SVIL: variants seen among roughly 807,000 people sequenced by gnomAD.
SVIL encodes supervillin.
In SVIL, 101 loss-of-function variants were observed where a neutral mutation model predicts 240.4. That is an observed-to-expected ratio of 0.42 (90% CI 0.36 to 0.50). SVIL has a LOEUF of 0.50. Among genes scored for constraint, SVIL ranks in the 20% least tolerant of loss-of-function variants. SVIL has a pLI of 0.01. For missense variants in SVIL, 2,512 were observed against 2,818.7 expected, an observed-to-expected ratio of 0.89 and a Z score of 2.46; for synonymous variants, 999 against 1,100.0, an observed-to-expected ratio of 0.91 and a Z score of 1.82.
intron 3 of SVIL, among the ~76,000 whole-genome samples, chr10:29,562,459 A>C (rs561748592): frequency 1.3e-5 from 2 of 152,318 alleles, no homozygotes; most frequent in East Asian, 3.9e-4. Context: ...AAGCTACAAG[A>C]TGTTAAATGT....
intron 1 of SVIL, among the ~76,000 whole-genome samples, chr10:29,694,050 C>G (rs542245738): frequency 9.2e-5 from 14 of 151,962 alleles, no homozygotes; most frequent in Admixed American, 4.6e-4. Context: ...CTCTCCCATC[C>G]CATAGACAGC....
rs1007545845 is a variant in SVIL, at chr10:29,504,145, T to TA, written c.3517-4883dup. 1.7e-4 allele frequency among the ~76,000 whole-genome samples: 25 copies of TA among 151,166 alleles called. No individual in the cohort carries two copies. The East Asian group carries it at 2.1e-3, about 13-fold the overall frequency. Reference sequence around the variant, plus strand: ...GCTGGAATAAGTGGACACTCATATGTAAAAAAAAACTAGATACAAATTTTC... The same window carrying TA: ...GCTGGAATAAGTGGACACTCATATGTAAAAAAAAAACTAGATACAAATTTTC... On this transcript the variant is annotated intron_variant, in intron 17 of 37. Coordinates refer to ENST00000355867, the MANE Select transcript of SVIL (RefSeq NM_021738.3).
At position 29,523,541 on chromosome 10, in the gene SVIL, C is replaced by G; in HGVS notation, c.3073G>C (p.Ala1025Pro). 1 of 1,614,198 alleles carries G rather than the reference C, an allele frequency of 6.2e-7. No individual in the cohort carries two copies. The highest frequency in any genetic ancestry group is 1.3e-5 in the African/African-American group (1 of 75,054). The change falls in exon 15 of 38, where the codon GCA becomes CCA. Residue 1025 changes from alanine (A) to proline (P), a missense_variant. Coordinates refer to ENST00000355867, the MANE Select transcript of SVIL (RefSeq NM_021738.3). The stretch of plus-strand genomic sequence containing the variant: ...TCCCTCAAGTCCAAGTTTCCTTGTG[C>G]ATTCATTTTAGCCATGGAAAATTCC... ...PKEFSMAKMN[A>P]QGNLDLRDRL...
At chr10:29,708,500 A>G (rs1447596287) in intron 1 of SVIL, among the ~76,000 whole-genome samples, 4 of 151,984 alleles carry the variant, frequency 2.6e-5, no homozygotes, top group Non-Finnish European at 5.9e-5. Context: ...GGGCGCCTGT[A>G]ATCCCAGCTA....
chr10:29,594,719 G>C (rs976341256), intron 1 of SVIL, among the ~76,000 whole-genome samples: 1 of 152,084 alleles, frequency 6.6e-6, no homozygotes, highest in Non-Finnish European at 1.5e-5. Flanking sequence ...ACCACACCCA[G>C]ATAATTTTTG....
intron 6 of SVIL, among the ~76,000 whole-genome samples, chr10:29,547,087 C>A (rs4749448): frequency 0.42 from 63,506 of 151,774 alleles, 13,350 homozygotes; most frequent in East Asian, 0.44. Flanking sequence ...TTTGGGTTAC[C>A]ACATATTTTT....
Position 29,726,811 on chromosome 10 carries a change from C to T in SVIL, c.-400+8940G>A, listed in dbSNP as rs114013368. ...AGCCCTCAAAGCCCTCAGCACAGGG[C>T]CTGGCAAACAGTGGACAGTCAACAG... On this transcript the variant is annotated intron_variant, in intron 1 of 35. Coordinates refer to the SVIL transcript ENST00000375400. 3.7e-3 allele frequency among the ~76,000 whole-genome samples: 560 copies of T among 152,248 alleles called. 8 individuals carry two copies. The highest frequency in any genetic ancestry group is 0.013 in the African/African-American group (521 of 41,560).
rs537345433 is a variant in SVIL, at chr10:29,513,450, C to T, written c.3390-589G>A. On this transcript the variant is annotated intron_variant, in intron 16 of 37. Coordinates refer to ENST00000355867, the MANE Select transcript of SVIL (RefSeq NM_021738.3). ...CAGCGGGAGGCTGAGGCACAAGAAT[C>T]GCTTGAACCTGGGAGGCAGAGGTTG... 3.9e-5 allele frequency among the ~76,000 whole-genome samples: 6 copies of T among 152,192 alleles called. No homozygotes were observed. In the South Asian group the frequency reaches 6.2e-4, roughly 16 times the overall value.
At position 29,652,787 on chromosome 10, in the gene SVIL, C is replaced by G. The variant is rs561485021; in HGVS notation, c.-201+5182G>C. Among the ~76,000 whole-genome samples, 4 of 152,224 alleles carry G rather than the reference C, an allele frequency of 2.6e-5. No homozygotes were observed. In the South Asian group the frequency reaches 8.3e-4, roughly 32 times the overall value. On this transcript the variant is annotated intron_variant, in intron 3 of 35. Transcript: ENST00000375400. ...GTTATAATTTGCATTTCCCTAATGG[C>G]TAATGATAGTAAAAACCTTCTCATG...
At position 29,551,279 on chromosome 10, in the gene SVIL, A is replaced by G. The variant is rs774511428; in HGVS notation, c.161-16T>C. 70 of 1,568,758 alleles carry G rather than the reference A, an allele frequency of 4.5e-5. No individual in the cohort carries two copies. Among genetic ancestry groups the G allele is most frequent in the Non-Finnish European group, 5.6e-5 (65 of 1,161,486 alleles). On this transcript the variant is annotated splice_polypyrimidine_tract_variant and intron_variant, in intron 5 of 37. Coordinates refer to ENST00000355867, the MANE Select transcript of SVIL (RefSeq NM_021738.3). ...TTTGATCGGCCTACAAGAAGGTCAC[A>G]TGGATGAGAGGTGCAGATTTCAAGT...
At chr10:29,520,538 C>T (rs1456479698) in intron 16 of SVIL, among the ~76,000 whole-genome samples, 1 of 152,126 alleles carries the variant, frequency 6.6e-6, no homozygotes, top group Non-Finnish European at 1.5e-5. Context: ...TCAGATTTAA[C>T]AATGTGATTA....
At chr10:29,729,112 C>T (rs1009730461) in intron 1 of SVIL, among the ~76,000 whole-genome samples, 1 of 152,028 alleles carries the variant, frequency 6.6e-6, no homozygotes, top group Admixed American at 6.5e-5. Flanking sequence ...CAAAGGAGGT[C>T]CCCCTCCCCA....
chr10:29,458,440 G>T lies in SVIL; in HGVS notation c.6552C>A (p.Asp2184Glu). 6.3e-7 allele frequency: 1 copy of T among 1,584,134 alleles called. No individual in the cohort carries two copies. The highest frequency in any genetic ancestry group is 8.6e-7 in the Non-Finnish European group (1 of 1,163,332). ...LKLEIYLTDE[D>E]FEFALDMTRD... The stretch of plus-strand genomic sequence containing the variant: ...CACCGGAAGAACCGCTTACCTCGAA[G>T]TCTTCGTCGGTGAGATAGATCTCAA... The change falls in exon 37 of 38, where the codon GAC (aspartate) becomes GAA (glutamate). Residue 2184 changes from aspartate (D) to glutamate (E), a missense_variant. By Grantham distance (45) the Asp-to-Glu change is conservative. Transcript: ENST00000355867.
intron 1 of SVIL, among the ~76,000 whole-genome samples, chr10:29,624,474 G>T (rs1054449374): frequency 3.3e-5 from 5 of 152,178 alleles, no homozygotes; most frequent in African/African-American, 9.7e-5. Context: ...GGAGGCAGAG[G>T]TTGCAGTGAG....
At chr10:29,582,338 C>T (rs531570695) in intron 1 of SVIL, among the ~76,000 whole-genome samples, 42 of 152,306 alleles carry the variant, frequency 2.8e-4, no homozygotes, top group Non-Finnish European at 3.7e-4. Flanking sequence ...GGCACATGGC[C>T]GGCCCACCAC....
chr10:29,480,840 T>C, intron 28 of SVIL, 27 bp from the exon 29 acceptor site: 1 of 1,585,574 alleles, frequency 6.3e-7, no homozygotes, highest in Non-Finnish European at 8.6e-7. Context: ...AGACATCAGT[T>C]CAGTTGCCTG....
chr10:29,605,484 CAT>C (rs1361143992), intron 1 of SVIL, among the ~76,000 whole-genome samples: 2 of 152,110 alleles, frequency 1.3e-5, no homozygotes, highest in South Asian at 2.1e-4. Flanking sequence ...AGCATCTTTC[CAT>C]ATGTTTTAGA....
chr10:29,535,262 T>A (rs961248194), intron 7 of SVIL, among the ~76,000 whole-genome samples: 2 of 67,026 alleles, frequency 3.0e-5, no homozygotes, highest in South Asian at 3.6e-4. Context: ...GATGAGCCAG[T>A]GTTGGAGGTT....
chr10:29,463,473 A>G lies in SVIL; in HGVS notation c.6277+19T>C. ...TCCCCATCTGTTCCGTGCTGCAGGC[A>G]TGTTAGAGGGAGCCTCACCTTTGCA... On this transcript the variant is annotated intron_variant, in intron 35 of 37. Coordinates refer to ENST00000355867, the MANE Select transcript of SVIL (RefSeq NM_021738.3). 1 of 1,612,082 alleles carries G rather than the reference A, an allele frequency of 6.2e-7. No homozygotes were observed. The highest frequency in any genetic ancestry group is 8.5e-7 in the Non-Finnish European group (1 of 1,178,906).
Sources: gnomAD v4.1 joint callset for allele counts (sites outside exome capture counted in the v4.1 genomes callset) on GRCh38, gnomAD v4.1.1 for gene constraint, MANE v1.5 for transcripts, NCBI Gene and HGNC (gene_info 2026-07-23, HGNC 2026-07-21) for gene names.